The following ITGB3 variants were observed in gnomAD, a reference collection of about 807,000 sequenced individuals.
The protein encoded by ITGB3 is integrin beta-3.
In ITGB3, 48 loss-of-function variants were observed where a neutral mutation model predicts 85.8. The ratio of observed to expected loss-of-function variants is 0.56; its 90% CI spans 0.44 to 0.71. The LOEUF (loss-of-function observed/expected upper bound fraction) is 0.71. Among genes scored for constraint, ITGB3 ranks in the 30% least tolerant of loss-of-function variants. ITGB3 has a pLI of 0.00. For synonymous variants in ITGB3, 363 were observed against 395.6 expected, an observed-to-expected ratio of 0.92 and a Z score of 0.98; for missense variants, 861 against 1,019.1, an observed-to-expected ratio of 0.84 and a Z score of 2.11.
At chr17:47,297,628 G>A (rs7221196) in intron 10 of ITGB3, among the ~76,000 whole-genome samples, 80,587 of 151,306 alleles carry the variant, frequency 0.53, 21,747 homozygotes, top group Non-Finnish European at 0.57. Flanking sequence ...CTGCACTCCA[G>A]CCTGGGTGAC....
At position 47,310,441 on chromosome 17, in the gene ITGB3, A is replaced by T; in HGVS notation, c.*237A>T. 1.7e-6 allele frequency: 1 copy of T among 605,354 alleles called. No homozygotes were observed. The highest frequency in any genetic ancestry group is 3.0e-6 in the Non-Finnish European group (1 of 328,592). 37.5% of individuals were successfully genotyped at this position (605,354 alleles called of 1,614,324 possible). A position where few individuals can be genotyped will look rare whatever the true frequency, so the allele number is the denominator to read the frequency against. On this transcript the variant is annotated 3_prime_UTR_variant, in exon 15 of 15. Transcript: ENST00000559488. ...TAATTTAAAATTGTGATGTGTCCTGATAAGCTGAGCTCCTTAGCCTTTGTC... is the reference window on the plus strand; with the variant it reads ...TAATTTAAAATTGTGATGTGTCCTGTTAAGCTGAGCTCCTTAGCCTTTGTC...
At chr17:47,255,498 T>A (rs2064985923) in intron 1 of ITGB3, among the ~76,000 whole-genome samples, 1 of 152,014 alleles carries the variant, frequency 6.6e-6, no homozygotes, top group Non-Finnish European at 1.5e-5. Flanking sequence ...TTCAGCTCAC[T>A]GCAACCTCCG....
chr17:47,300,334 G>A, intron 11 of ITGB3, 144 bp from the exon 12 acceptor site: 1 of 501,886 alleles, frequency 2.0e-6, no homozygotes, highest in South Asian at 1.8e-5. Context: ...TTGTCTTACA[G>A]GCGCGCGCGC....
Position 47,299,060 on chromosome 17 carries a change from G to A in ITGB3, c.1691-248G>A, listed in dbSNP as rs893381129. 1.3e-5 allele frequency among the ~76,000 whole-genome samples: 2 copies of A among 152,206 alleles called. No homozygotes were observed. ...GCAAGAGAGAGGGCAAGAGGCCCAG[G>A]AGACTTAGTTCCTGAGAATCTTTTG... On this transcript the variant is annotated intron_variant, in intron 10 of 14. Coordinates refer to ENST00000559488, the MANE Select transcript of ITGB3 (RefSeq NM_000212.3). This position sits in a 1 kb window ranked among gnomAD's most constrained non-coding sequence, Gnocchi z 5.1.
chr17:47,284,666 A>C lies in ITGB3; in HGVS notation c.585A>C (p.Pro195=). 6.2e-7 allele frequency: 1 copy of C among 1,614,022 alleles called. No homozygotes were observed. Among genetic ancestry groups the C allele is most frequent in the South Asian group, 1.1e-5 (1 of 91,058 alleles). Residue 195 remains proline (P), a synonymous_variant, in exon 4 of 15, where the codon CCA becomes CCC. Transcript: ENST00000559488. ...TGTCACCATACATGTATATCTCCCC[A>C]CCAGAGGCCCTCGAAAACCCCTGCT... ...KPVSPYMYIS[P]PEALENPCYD... is the part of the protein sequence containing the mutation.
intron 10 of ITGB3, among the ~76,000 whole-genome samples, chr17:47,293,319 G>C (rs1031610903): frequency 6.6e-5 from 10 of 152,074 alleles, no homozygotes; most frequent in Non-Finnish European, 1.2e-4. Flanking sequence ...GTTTCTCCTT[G>C]CCCCAAGAAC....
rs1429418374 is a variant in ITGB3 at position 47,313,194 on chromosome 17, G to A, written c.*2990G>A. 2.0e-5 allele frequency among the ~76,000 whole-genome samples: 3 copies of A among 151,616 alleles called. No individual in the cohort carries two copies. Among genetic ancestry groups the A allele is most frequent in the South Asian group, 4.2e-4 (2 of 4,800 alleles). Reference sequence around the variant, plus strand: ...TCACCATGTTGGCCAGGCTGGTCTCGAACTCCTGACCTTAGGCGATCCACC... The same window carrying A: ...TCACCATGTTGGCCAGGCTGGTCTCAAACTCCTGACCTTAGGCGATCCACC... On this transcript the variant is annotated 3_prime_UTR_variant, in exon 15 of 15. Coordinates refer to ENST00000559488, the MANE Select transcript of ITGB3 (RefSeq NM_000212.3).
chr17:47,291,414 C>A, intron 9 of ITGB3: 1 of 538,990 alleles, frequency 1.9e-6, no homozygotes, highest in Non-Finnish European at 3.2e-6. Context: ...TCACCAGTCG[C>A]CAGCCTTTCC....
At chr17:47,294,804 A>G (rs2065139721) in intron 10 of ITGB3, among the ~76,000 whole-genome samples, 1 of 152,178 alleles carries the variant, frequency 6.6e-6, no homozygotes. Context: ...CCCTTGCCAG[A>G]GCTGCTGGCT....
chr17:47,257,567 T>C (rs1315727089), intron 1 of ITGB3, among the ~76,000 whole-genome samples: 1 of 152,238 alleles, frequency 6.6e-6, no homozygotes, highest in Non-Finnish European at 1.5e-5. Context: ...CTATAGATGA[T>C]GTGCCTCCCT....
At chr17:47,270,436 G>T (rs2065040390) in intron 1 of ITGB3, among the ~76,000 whole-genome samples, 1 of 152,232 alleles carries the variant, frequency 6.6e-6, no homozygotes, top group Admixed American at 6.5e-5. Context: ...GTCCACATCT[G>T]CCTGGGAAGA....
At chr17:47,285,239 A>G (rs896454729) in intron 4 of ITGB3, among the ~76,000 whole-genome samples, 1 of 152,214 alleles carries the variant, frequency 6.6e-6, no homozygotes, top group African/African-American at 2.4e-5. Flanking sequence ...TAATCGGTGG[A>G]GACTGTGCAA....
chr17:47,300,361 G>GTGTGTGTGTGTGTGTT, intron 11 of ITGB3, 117 bp from the exon 12 acceptor site: 1 of 751,654 alleles, frequency 1.3e-6, no homozygotes, highest in South Asian at 1.4e-5. Context: ...GTGTGTGTGT[G>GTGTGTGTGTGTGTGTT]TGTGTGTTTT....
Position 47,262,881 on chromosome 17 carries a change from C to G in ITGB3, c.79+8941C>G, listed in dbSNP as rs1349087001. Reference sequence around the variant, plus strand: ...GAGCATCCACTATAGAGGGTTCTTTCATACGTGTTATGTCATTTAATCCTA... The same window carrying G: ...GAGCATCCACTATAGAGGGTTCTTTGATACGTGTTATGTCATTTAATCCTA... On this transcript the variant is annotated intron_variant, in intron 1 of 14. Transcript: ENST00000559488. 9.2e-5 allele frequency among the ~76,000 whole-genome samples: 14 copies of G among 152,250 alleles called. No homozygotes were observed. The East Asian group carries it at 2.3e-3, about 25-fold the overall frequency.
Position 47,299,637 on chromosome 17 carries a change from G to A in ITGB3, c.1913+107G>A, listed in dbSNP as rs1342962594. 20 of 1,070,192 alleles carry A rather than the reference G, an allele frequency of 1.9e-5. No individual in the cohort carries two copies. Among genetic ancestry groups the A allele is most frequent in the Non-Finnish European group, 2.7e-5 (19 of 713,400 alleles). The allele number at this position is 1,070,192 out of a possible 1,614,324, so 66.3% of individuals were successfully genotyped here. ...TGTTTCTTGCTCACCAGAGCCTTAG[G>A]GAGAGGAGTCCACTCCAGCCAGATG... is the stretch of plus-strand genomic sequence containing the variant. On this transcript the variant is annotated intron_variant, in intron 11 of 14. Coordinates refer to ENST00000559488, the MANE Select transcript of ITGB3 (RefSeq NM_000212.3). This position sits in a 1 kb window ranked among gnomAD's most constrained non-coding sequence, Gnocchi z 5.1.
chr17:47,281,818 C>T lies in ITGB3; in HGVS notation c.166-1536C>T, dbSNP rs185497608. Among the ~76,000 whole-genome samples, 8 of 152,232 alleles carry T rather than the reference C, an allele frequency of 5.3e-5. No homozygotes were observed. The East Asian group carries it at 1.3e-3, about 26-fold the overall frequency. On this transcript the variant is annotated intron_variant, in intron 2 of 14. Coordinates refer to ENST00000559488, the MANE Select transcript of ITGB3 (RefSeq NM_000212.3). ...GACTTCCTCTGTGCCAGGTGCTGTC[C>T]AATGCATTTTATGTGGATTGTCTTA... is the stretch of plus-strand genomic sequence containing the variant.
rs398058739 is a variant in ITGB3, at chr17:47,278,594, A to AT, written c.165+4090_165+4091insT. ...GCGAAACTCCATCTAAAAAAAAAAA[A>AT]AGAGTCACTTATATTTGCATTTATT... On this transcript the variant is annotated intron_variant, in intron 2 of 14. Transcript: ENST00000559488. Among the ~76,000 whole-genome samples, 57 of 152,232 alleles carry AT rather than the reference A, an allele frequency of 3.7e-4. 1 individual carries two copies. In the East Asian group the frequency reaches 0.011, roughly 28 times the overall value.
intron 14 of ITGB3, 105 bp downstream of exon 14, chr17:47,307,742 C>A: frequency 9.2e-7 from 1 of 1,083,980 alleles, no homozygotes; most frequent in Non-Finnish European, 1.4e-6. Flanking sequence ...CATCGTCTTT[C>A]CATTATCCTC....
intron 2 of ITGB3, among the ~76,000 whole-genome samples, chr17:47,276,607 G>T: frequency 6.6e-6 from 1 of 152,160 alleles, no homozygotes; most frequent in Admixed American, 6.5e-5. Context: ...AGGAGGCGGG[G>T]CCAAGGTTAG....
Sources: allele counts gnomAD v4.1 joint callset (sites outside exome capture counted in the v4.1 genomes callset), GRCh38; gene constraint gnomAD v4.1.1; non-coding constraint Gnocchi (gnomAD v3.1); transcripts MANE v1.5; gene names NCBI Gene and HGNC (gene_info 2026-07-23, HGNC 2026-07-21).